The following HEXB variants were observed in gnomAD, a reference collection of about 807,000 sequenced individuals.
HEXB encodes the protein hexosaminidase subunit beta, also known as beta-hexosaminidase subunit beta.
Under a neutral mutation model 71.2 loss-of-function variants are expected in HEXB, and 51 were observed. That is an observed-to-expected ratio of 0.72 (90% CI 0.57 to 0.90). The LOEUF (loss-of-function observed/expected upper bound fraction) is 0.90, where lower values mean the gene tolerates loss of function less well. Among genes scored for constraint, HEXB ranks in the 40% least tolerant of loss-of-function variants. The pLI is 0.00. For missense variants in HEXB, 617 were observed against 677.0 expected, an observed-to-expected ratio of 0.91 and a Z score of 0.98; for synonymous variants, 266 against 249.3, an observed-to-expected ratio of 1.07 and a Z score of -0.63.
intron 1 of HEXB, among the ~76,000 whole-genome samples, chr5:74,643,583 G>C (rs903197402): frequency 1.3e-5 from 2 of 152,162 alleles, no homozygotes; most frequent in Non-Finnish European, 2.9e-5. Flanking sequence ...CTATTAAGAA[G>C]CTGTGCCCAA....
In HEXB at chr5:74,718,319, A is replaced by C; in HGVS notation, c.1198A>C (p.Lys400Gln). 1 of 1,612,028 alleles carries C rather than the reference A, an allele frequency of 6.2e-7. No homozygotes were observed. The highest frequency in any genetic ancestry group is 8.5e-7 in the Non-Finnish European group (1 of 1,178,114). ...TTTGGATATTATTGCAACCATAAAC[A>C]AGGGATCCATTGTCTGGCAGGAGGT... The part of the protein sequence containing the change: ...KVLDIIATIN[K>Q]GSIVWQEVFD... Residue 400 changes from lysine to glutamine, a missense_variant, in exon 10 of 14, where the codon AAG (lysine) becomes CAG (glutamine). By Grantham distance (53) the Lys-to-Gln change is moderately conservative (BLOSUM62 1). Transcript: ENST00000261416.
intron 2 of HEXB, 122 bp from the exon 3 acceptor site, chr5:74,693,517 A>C: frequency 1.3e-6 from 1 of 772,894 alleles, no homozygotes; most frequent in Non-Finnish European, 2.3e-6. Context: ...AGTTAGAGAA[A>C]TAGGTCATGT....
At chr5:74,717,342 A>C (rs953809274) in intron 9 of HEXB, among the ~76,000 whole-genome samples, 1 of 152,154 alleles carries the variant, frequency 6.6e-6, no homozygotes, top group Non-Finnish European at 1.5e-5. Flanking sequence ...TACAGTAGCC[A>C]TAGCCACAGG....
chr5:74,703,811 A>G (rs1360506588), intron 5 of HEXB, among the ~76,000 whole-genome samples: 1 of 152,036 alleles, frequency 6.6e-6, no homozygotes, highest in Non-Finnish European at 1.5e-5. Flanking sequence ...GACTACCGGC[A>G]CTACCGGCAT....
At chr5:74,692,096 T>C (rs1005996209) in intron 2 of HEXB, among the ~76,000 whole-genome samples, 1 of 152,104 alleles carries the variant, frequency 6.6e-6, no homozygotes, top group Non-Finnish European at 1.5e-5. Context: ...TATATTAATG[T>C]TTTTTAGGTG....
intron 1 of HEXB, among the ~76,000 whole-genome samples, chr5:74,657,939 C>T (rs1748251464): frequency 6.6e-6 from 1 of 152,210 alleles, no homozygotes; most frequent in South Asian, 2.1e-4. Context: ...GCTACTTGGT[C>T]TCTTTGAATC....
At chr5:74,668,230 TTGTGTG>T (rs34727155) in intron 1 of HEXB, among the ~76,000 whole-genome samples, 31,926 of 148,612 alleles carry the variant, frequency 0.21, 3,379 homozygotes, top group Non-Finnish European at 0.22. Context: ...TTTGTTTTGT[TTGTGTG>T]TGTGTGTGTG....
Position 74,652,386 on chromosome 5 carries a change from G to C in HEXB, c.-377+11828G>C, listed in dbSNP as rs754300093. On this transcript the variant is annotated intron_variant, in intron 1 of 13. Transcript: ENST00000511181. This position sits in a 1 kb window ranked among gnomAD's most constrained non-coding sequence, Gnocchi z 5.4. ...GCCTCCTGGCCCACGTGTCCAGCAA[G>C]CAAGCCACTCCTGAATACACAGTAG... Among the ~76,000 whole-genome samples, 1 of 152,172 alleles carries C rather than the reference G, an allele frequency of 6.6e-6. No individual in the cohort carries two copies. The highest frequency in any genetic ancestry group is 2.4e-5 in the African/African-American group (1 of 41,442).
chr5:74,648,933 G>A (rs755263697), intron 1 of HEXB, among the ~76,000 whole-genome samples: 24 of 152,160 alleles, frequency 1.6e-4, no homozygotes, highest in Non-Finnish European at 2.4e-4. Context: ...ACACAAATGC[G>A]GGTTTCCACA....
Position 74,697,043 on chromosome 5 carries a change from C to G in HEXB, c.606C>G (p.His202Gln), listed in dbSNP as rs1253621653. ...TTATTGATTCTCCAAGGTTTTCTCA[C>G]AGAGGAATTTTGATTGATACATCCA... ...STIIDSPRFSHRGILIDTSRH... is the reference protein window; with the variant it reads ...STIIDSPRFSQRGILIDTSRH... Residue 202 changes from histidine (H) to glutamine (Q), a missense_variant, in exon 5 of 14, where the codon CAC becomes CAG. His to Gln is a conservative substitution (Grantham distance 24, BLOSUM62 0). Transcript: ENST00000261416. 1 of 1,586,486 alleles carries G rather than the reference C, an allele frequency of 6.3e-7. No individual in the cohort carries two copies.
chr5:74,720,140 A>G, intron 11 of HEXB: 1 of 406,160 alleles, frequency 2.5e-6, no homozygotes, highest in Non-Finnish European at 4.6e-6. Context: ...ATAAAACCAA[A>G]ATAAAACTGT....
At chr5:74,656,839 T>A (rs1483358545) in intron 1 of HEXB, among the ~76,000 whole-genome samples, 1 of 152,192 alleles carries the variant, frequency 6.6e-6, no homozygotes, top group Non-Finnish European at 1.5e-5. Context: ...CTTGAACTCC[T>A]GGCCTCAGGT....
chr5:74,691,626 T>A (rs148738060), intron 2 of HEXB, among the ~76,000 whole-genome samples: 3 of 152,340 alleles, frequency 2.0e-5, no homozygotes, highest in African/African-American at 7.2e-5. Flanking sequence ...AACACACGCA[T>A]AAAGCAATAC....
chr5:74,690,643 C>A (rs1748978963), intron 2 of HEXB, among the ~76,000 whole-genome samples: 2 of 94,910 alleles, frequency 2.1e-5, no homozygotes, highest in Non-Finnish European at 3.9e-5. Flanking sequence ...CAGAGTGAGA[C>A]AGTCTCAAAA....
chr5:74,689,716 A>G, intron 2 of HEXB: 8 of 527,708 alleles, frequency 1.5e-5, no homozygotes, highest in Non-Finnish European at 2.7e-5. Flanking sequence ...AGATAGAATT[A>G]ATCACTGTCA....
chr5:74,690,971 T>A (rs1263927778), intron 2 of HEXB, among the ~76,000 whole-genome samples: 1 of 152,194 alleles, frequency 6.6e-6, no homozygotes, highest in African/African-American at 2.4e-5. Context: ...GAAATGGTCA[T>A]TACGTTGCCA....
At chr5:74,663,337 C>T (rs1157765166) in intron 1 of HEXB, among the ~76,000 whole-genome samples, 1 of 151,572 alleles carries the variant, frequency 6.6e-6, no homozygotes, top group African/African-American at 2.4e-5. Flanking sequence ...AGTACAGGCG[C>T]CCGCCACCAC....
chr5:74,683,320 C>G (rs896183997), upstream of HEXB, among the ~76,000 whole-genome samples: 9 of 148,044 alleles, frequency 6.1e-5, no homozygotes, highest in African/African-American at 1.7e-4. Context: ...TTTTTTCTTT[C>G]TGAGACAGAG....
intron 11 of HEXB, among the ~76,000 whole-genome samples, chr5:74,719,216 G>A (rs1749751335): frequency 6.6e-6 from 1 of 152,126 alleles, no homozygotes; most frequent in Non-Finnish European, 1.5e-5. Flanking sequence ...AACTTCAAAA[G>A]TATTATAGAT....
Sources: gnomAD v4.1 joint callset for allele counts (sites outside exome capture counted in the v4.1 genomes callset) on GRCh38, gnomAD v4.1.1 for gene constraint, Gnocchi (gnomAD v3.1) non-coding constraint, MANE v1.5 for transcripts, NCBI Gene and HGNC (gene_info 2026-07-23, HGNC 2026-07-21) for gene names.